Variants in APC observed in about 807,000 individuals in gnomAD.
The protein encoded by APC is APC regulator of Wnt signaling pathway.
A neutral mutation model predicts 247.0 loss-of-function variants in APC; 72 were observed. The observed-to-expected ratio is 0.29, with a 90% CI of 0.24 to 0.35. APC has a LOEUF of 0.35. Ranked by LOEUF, APC falls within the 10% of genes least tolerant of loss-of-function variation. The pLI is 1.00. For missense variants in APC, 3,400 were observed against 3,360.7 expected (o/e 1.01, Z -0.29); for synonymous variants, 1,254 against 1,162.5 (o/e 1.08, Z -1.60).
chr5:112,809,876 A>G (rs558416078), intron 8 of APC, among the ~76,000 whole-genome samples: 257 of 152,230 alleles, frequency 1.7e-3, no homozygotes, highest in South Asian at 3.1e-3. Flanking sequence ...GCGTGCCTGT[A>G]ATCCCAGCTA....
intron 1 of APC, among the ~76,000 whole-genome samples, chr5:112,739,856 A>G (rs1752793201): frequency 6.6e-6 from 1 of 152,218 alleles, no homozygotes; most frequent in South Asian, 2.1e-4. Context: ...CTATAAAACT[A>G]TTATTTTTAC....
intron 11 of APC, among the ~76,000 whole-genome samples, chr5:112,826,586 TAA>T (rs554969279): frequency 0.075 from 6,240 of 82,984 alleles, 355 homozygotes; most frequent in African/African-American, 0.19. Flanking sequence ...TCATTTTTTG[TAA>T]AAAAAAAAAA....
intron 14 of APC, chr5:112,829,247 T>C: frequency 2.9e-6 from 1 of 348,458 alleles, no homozygotes; most frequent in South Asian, 2.5e-5. Flanking sequence ...CAAGTGATTC[T>C]CCTGCCTCAG....
chr5:112,799,396 C>T (rs1760557006), intron 7 of APC, among the ~76,000 whole-genome samples: 1 of 151,862 alleles, frequency 6.6e-6, no homozygotes, highest in African/African-American at 2.4e-5. Context: ...CACACCAGAC[C>T]TCTTCCTCCA....
chr5:112,792,974 G>A (rs1759806634), intron 7 of APC, among the ~76,000 whole-genome samples: 1 of 152,096 alleles, frequency 6.6e-6, no homozygotes, highest in Non-Finnish European at 1.5e-5. Context: ...GAGCTGGAAA[G>A]CAGGTAAACA....
At chr5:112,820,183 A>T (rs1762975549) in intron 10 of APC, among the ~76,000 whole-genome samples, 1 of 80,040 alleles carries the variant, frequency 1.2e-5, no homozygotes, top group African/African-American at 1.5e-4. Flanking sequence ...ATAAGAACTG[A>T]CACACACACA....
intron 2 of APC, 27 bp from the exon 3 acceptor site, chr5:112,766,299 G>A (rs1209350011): frequency 6.9e-7 from 1 of 1,440,086 alleles, no homozygotes; most frequent in Non-Finnish European, 9.8e-7. Context: ...AGAATTTCAT[G>A]TTAATATATT....
chr5:112,812,024 C>T (rs895966669), intron 8 of APC, among the ~76,000 whole-genome samples: 1 of 152,166 alleles, frequency 6.6e-6, no homozygotes, highest in Non-Finnish European at 1.5e-5. Flanking sequence ...GTTACATGGG[C>T]CTCACCAAGG....
At chr5:112,800,395 T>C (rs79426480) in intron 7 of APC, among the ~76,000 whole-genome samples, 1,913 of 152,324 alleles carry the variant, frequency 0.013, 19 homozygotes, top group Non-Finnish European at 0.017. Context: ...ATATAACTGA[T>C]ACTAGTTTAT....
rs1339462118 is a variant in APC, at chr5:112,844,876, C to G, written c.*750C>G. On this transcript the variant is annotated 3_prime_UTR_variant, in exon 16 of 16. Transcript: ENST00000257430. ...GCTATGCTGTAATTTGTTGTATATT[C>G]TGGTATTTGAGGTGAGATGGCTGCT... is the stretch of plus-strand genomic sequence containing the variant. 1.7e-5 allele frequency: 4 copies of G among 232,260 alleles called. No homozygotes were observed. Among genetic ancestry groups the G allele is most frequent in the Non-Finnish European group, 3.4e-5 (4 of 117,316 alleles). 14.4% of individuals were successfully genotyped at this position (232,260 alleles called of 1,614,324 possible).
At chr5:112,820,871 GT>G in intron 10 of APC, among the ~76,000 whole-genome samples, 1 of 151,666 alleles carries the variant, frequency 6.6e-6, no homozygotes, top group Non-Finnish European at 1.5e-5. Flanking sequence ...TTTTTTCTCT[GT>G]TTGTATTGAG....
chr5:112,792,400 A>G, intron 6 of APC, 46 bp from the exon 7 acceptor site: 2 of 1,277,440 alleles, frequency 1.6e-6, no homozygotes, highest in Non-Finnish European at 2.2e-6. Flanking sequence ...TTCTATTAAT[A>G]TTATTAATAA....
At chr5:112,746,153 T>C (rs1753650761) in intron 1 of APC, among the ~76,000 whole-genome samples, 1 of 152,130 alleles carries the variant, frequency 6.6e-6, no homozygotes, top group Admixed American at 6.5e-5. Context: ...AATAGTTTAC[T>C]AGTGAACTAT....
chr5:112,845,957 T>C lies in APC; in HGVS notation c.*1831T>C. 1 of 232,012 alleles carries C rather than the reference T, an allele frequency of 4.3e-6. No individual in the cohort carries two copies. Among genetic ancestry groups the C allele is most frequent in the East Asian group, 6.1e-5 (1 of 16,370 alleles). 14.4% of individuals were successfully genotyped at this position (232,012 alleles called of 1,614,324 possible). A position where few individuals can be genotyped will look rare whatever the true frequency, so the allele number is the denominator to read the frequency against. On this transcript the variant is annotated 3_prime_UTR_variant, in exon 16 of 16. Coordinates refer to ENST00000257430, the MANE Select transcript of APC (RefSeq NM_000038.6). ...CTGGTGCCTTGAAAATCACATCAAG[T>C]AGTTAATTATCTACCCCTTACCTGT...
At chr5:112,797,637 AT>A (rs898270599) in intron 7 of APC, among the ~76,000 whole-genome samples, 5 of 152,204 alleles carry the variant, frequency 3.3e-5, no homozygotes, top group African/African-American at 1.2e-4. Flanking sequence ...AAGCAAGTAC[AT>A]TGGGTGGAAT....
intron 15 of APC, 91 bp from the exon 16 acceptor site, chr5:112,837,462 C>T (rs946564498): frequency 1.2e-5 from 11 of 882,342 alleles, no homozygotes; most frequent in Non-Finnish European, 1.8e-5. Flanking sequence ...TTGGTACAAT[C>T]ATATTATGCC....
At chr5:112,723,242 G>A (rs554563338) in intron 1 of APC, among the ~76,000 whole-genome samples, 7 of 152,126 alleles carry the variant, frequency 4.6e-5, no homozygotes, top group South Asian at 4.1e-4. Flanking sequence ...CTTGGGGATC[G>A]CTTGAGCTCA....
intron 3 of APC, 47 bp downstream of exon 3, chr5:112,766,457 G>T (rs1756348159): frequency 7.5e-7 from 1 of 1,333,280 alleles, no homozygotes; most frequent in Non-Finnish European, 1.1e-6. Flanking sequence ...AGCTCAAATT[G>T]TCATCTTTAG....
At chr5:112,710,213 G>A (rs866840013) in intron 1 of APC, among the ~76,000 whole-genome samples, 2 of 152,202 alleles carry the variant, frequency 1.3e-5, no homozygotes, top group Non-Finnish European at 2.9e-5. Flanking sequence ...AGACAGCTAT[G>A]TGAGGATATT....
Sources: gnomAD v4.1 joint callset for allele counts (sites outside exome capture counted in the v4.1 genomes callset) on GRCh38, gnomAD v4.1.1 for gene constraint, MANE v1.5 for transcripts, NCBI Gene and HGNC (gene_info 2026-07-23, HGNC 2026-07-21) for gene names.